JARID2: variants seen among roughly 807,000 people sequenced by gnomAD.
The protein encoded by JARID2 is jumonji and AT-rich interaction domain containing 2, also known as protein Jumonji.
Under a neutral mutation model 125.6 loss-of-function variants are expected in JARID2, and 21 were observed. That is an observed-to-expected ratio of 0.17 (90% CI 0.12 to 0.24). The LOEUF (loss-of-function observed/expected upper bound fraction) is 0.24, where lower values mean the gene tolerates loss of function less well. JARID2 is among the 10% of genes least tolerant of loss of function. JARID2 has a pLI of 1.00. For missense variants in JARID2, 1,303 were observed against 1,639.6 expected (o/e 0.79, Z 3.55); for synonymous variants, 736 against 661.6 (o/e 1.11, Z -1.73).
At chr6:15,377,475 A>G (rs372485709) in intron 2 of JARID2, among the ~76,000 whole-genome samples, 1 of 152,088 alleles carries the variant, frequency 6.6e-6, no homozygotes, top group Non-Finnish European at 1.5e-5. Context: ...CGGATTGACT[A>G]TAATGGTGGT....
At chr6:15,371,009 A>C (rs1015232975) in intron 1 of JARID2, among the ~76,000 whole-genome samples, 2 of 152,180 alleles carry the variant, frequency 1.3e-5, no homozygotes, top group African/African-American at 4.8e-5. Context: ...GTAGATTACA[A>C]AACACTTGTG....
At chr6:15,427,443 T>C (rs757070082) in intron 3 of JARID2, among the ~76,000 whole-genome samples, 2 of 152,130 alleles carry the variant, frequency 1.3e-5, no homozygotes, top group Non-Finnish European at 2.9e-5. Context: ...ATTTCCTTTT[T>C]CTGTTACCTC....
intron 1 of JARID2, among the ~76,000 whole-genome samples, chr6:15,259,544 A>G (rs1469323700): frequency 6.6e-6 from 1 of 152,196 alleles, no homozygotes; most frequent in African/African-American, 2.4e-5. Flanking sequence ...TGGAGTGGCA[A>G]ATGCCACTGG....
intron 12 of JARID2, among the ~76,000 whole-genome samples, chr6:15,509,819 G>A (rs903096808): frequency 1.3e-5 from 2 of 152,206 alleles, no homozygotes; most frequent in Admixed American, 1.3e-4. Context: ...GATACCCTGT[G>A]TGGGCTTTTT....
intron 4 of JARID2, among the ~76,000 whole-genome samples, chr6:15,465,631 C>CT (rs140869333): frequency 0.026 from 4,029 of 152,224 alleles, 74 homozygotes; most frequent in South Asian, 0.056. Context: ...CTTCATGCTG[C>CT]TTCTCTAATG....
chr6:15,321,823 C>G (rs1323744458), intron 1 of JARID2, among the ~76,000 whole-genome samples: 1 of 105,558 alleles, frequency 9.5e-6, no homozygotes, highest in African/African-American at 3.8e-5. Flanking sequence ...GATGGAGTCT[C>G]ACTTTGTCGC....
chr6:15,323,276 C>G (rs1449138690), intron 1 of JARID2, among the ~76,000 whole-genome samples: 3 of 152,220 alleles, frequency 2.0e-5, no homozygotes, highest in African/African-American at 7.2e-5. Context: ...GTAGGATTAG[C>G]TGTGTCTTGT....
At chr6:15,297,911 G>T (rs1319850236) in intron 1 of JARID2, among the ~76,000 whole-genome samples, 2 of 114,430 alleles carry the variant, frequency 1.7e-5, no homozygotes, top group South Asian at 2.8e-4. Flanking sequence ...TTAGGAAGTG[G>T]AAAAAGAAAA....
At chr6:15,517,758 G>T (rs1263800767) in intron 17 of JARID2, among the ~76,000 whole-genome samples, 1 of 152,214 alleles carries the variant, frequency 6.6e-6, no homozygotes, top group African/African-American at 2.4e-5. Flanking sequence ...CTGGAGAGGG[G>T]GGTCATAACA....
At chr6:15,427,457 G>T (rs1343698508) in intron 3 of JARID2, among the ~76,000 whole-genome samples, 1 of 151,880 alleles carries the variant, frequency 6.6e-6, no homozygotes, top group Non-Finnish European at 1.5e-5. Context: ...TTACCTCGGA[G>T]ATCAGATTGC....
intron 1 of JARID2, among the ~76,000 whole-genome samples, chr6:15,353,489 T>A (rs545194299): frequency 1.3e-5 from 2 of 152,212 alleles, no homozygotes; most frequent in Admixed American, 1.3e-4. Context: ...GGAAAAAATA[T>A]CATTATCGAG....
intron 1 of JARID2, among the ~76,000 whole-genome samples, chr6:15,305,189 T>C (rs918686161): frequency 2.6e-5 from 4 of 152,186 alleles, no homozygotes; most frequent in Non-Finnish European, 4.4e-5. Context: ...TAGCTGGTAT[T>C]GTTGAAGAAA....
chr6:15,435,859 C>G (rs1349985097), intron 3 of JARID2, among the ~76,000 whole-genome samples: 1 of 150,818 alleles, frequency 6.6e-6, no homozygotes, highest in African/African-American at 2.4e-5. Context: ...TTCAGGAGTA[C>G]AGAGCAAACC....
intron 1 of JARID2, among the ~76,000 whole-genome samples, chr6:15,307,289 G>C (rs941856754): frequency 6.6e-6 from 1 of 151,938 alleles, no homozygotes; most frequent in African/African-American, 2.4e-5. Flanking sequence ...GGAGTGCAGT[G>C]GCGCTCACTG....
intron 1 of JARID2, among the ~76,000 whole-genome samples, chr6:15,353,941 G>A (rs1763513303): frequency 6.6e-6 from 1 of 152,134 alleles, no homozygotes; most frequent in African/African-American, 2.4e-5. Flanking sequence ...TGCCACTTAT[G>A]TTCCTAAAGC....
chr6:15,395,362 C>T (rs1314302552), intron 2 of JARID2, among the ~76,000 whole-genome samples: 1 of 152,088 alleles, frequency 6.6e-6, no homozygotes, highest in Non-Finnish European at 1.5e-5. Flanking sequence ...GTGGTATGAT[C>T]TCAGCTCACC....
chr6:15,351,359 A>C (rs1763422793), intron 1 of JARID2, among the ~76,000 whole-genome samples: 1 of 152,196 alleles, frequency 6.6e-6, no homozygotes, highest in Admixed American at 6.5e-5. Flanking sequence ...TGTTCCCACC[A>C]ATAGCTACCA....
At chr6:15,339,728 T>G (rs1412411416) in intron 1 of JARID2, among the ~76,000 whole-genome samples, 1 of 151,962 alleles carries the variant, frequency 6.6e-6, no homozygotes, top group Non-Finnish European at 1.5e-5. Context: ...GGAGACAGGG[T>G]TTCACCATGT....
At chr6:15,287,832 A>G (rs113276174) in intron 1 of JARID2, among the ~76,000 whole-genome samples, 12 of 152,276 alleles carry the variant, frequency 7.9e-5, no homozygotes, top group African/African-American at 2.6e-4. Flanking sequence ...ACTTTGAATC[A>G]TGGACATTTA....
Sources: gnomAD v4.1 joint callset for allele counts (sites outside exome capture counted in the v4.1 genomes callset) on GRCh38, gnomAD v4.1.1 for gene constraint, MANE v1.5 for transcripts, NCBI Gene and HGNC (gene_info 2026-07-23, HGNC 2026-07-21) for gene names.